INVS: variants seen among roughly 807,000 people sequenced by gnomAD.
INVS encodes inversion of embryo turning homolog.
In INVS, 86 loss-of-function variants were observed where a neutral mutation model predicts 108.8. The ratio of observed to expected loss-of-function variants is 0.79; its 90% confidence interval spans 0.66 to 0.95. The LOEUF is 0.95. INVS is among the 40% of genes least tolerant of loss of function. The pLI, the probability that INVS is intolerant of heterozygous loss-of-function variation, is 0.00. For synonymous variants in INVS, 455 were observed against 473.5 expected, an observed-to-expected ratio of 0.96 and a Z score of 0.51; for missense variants, 1,169 against 1,297.4, an observed-to-expected ratio of 0.90 and a Z score of 1.52.
intron 3 of INVS, among the ~76,000 whole-genome samples, chr9:100,209,091 G>T (rs1233134781): frequency 6.6e-6 from 1 of 152,070 alleles, no homozygotes; most frequent in Non-Finnish European, 1.5e-5. Context: ...GCCTCCCCAT[G>T]GAGTAGCATT....
intron 15 of INVS, among the ~76,000 whole-genome samples, chr9:100,297,712 TAAGC>T (rs1833830061): frequency 6.6e-6 from 1 of 152,224 alleles, no homozygotes; most frequent in Non-Finnish European, 1.5e-5. Context: ...GAAAAAAAGA[TAAGC>T]AAGAGCACCT....
At chr9:100,115,310 ATAT>A (rs1827477889) in intron 2 of INVS, among the ~76,000 whole-genome samples, 1 of 151,072 alleles carries the variant, frequency 6.6e-6, no homozygotes, top group Middle Eastern at 3.5e-3. Context: ...TTATATATAT[ATAT>A]TTTTATTATA....
intron 3 of INVS, among the ~76,000 whole-genome samples, chr9:100,189,753 A>G (rs186615382): frequency 6.6e-6 from 1 of 150,414 alleles, no homozygotes; most frequent in Admixed American, 6.6e-5. Flanking sequence ...TTATTTATTT[A>G]TTTGTTTGTT....
chr9:100,264,515 G>T (rs1264523590), intron 10 of INVS, among the ~76,000 whole-genome samples: 1 of 151,934 alleles, frequency 6.6e-6, no homozygotes, highest in Non-Finnish European at 1.5e-5. Context: ...CTACTTGGGA[G>T]GCTGAGGCAG....
At position 100,240,222 on chromosome 9, in the gene INVS, C is replaced by T; in HGVS notation, c.778C>T (p.His260Tyr). The change falls in exon 6 of 17, where the codon CAC becomes TAC. Residue 260 changes from histidine to tyrosine, a missense_variant. Transcript: ENST00000262457. Reference protein sequence around the residue: ...SYDNLFRTPLHWAALLGHAQI... With the variant: ...SYDNLFRTPLYWAALLGHAQI... ...TGATAACTTATTTCGAACCCCACTG[C>T]ACTGGGCAGCTTTATTAGGTACGTG... The T allele has an allele frequency of 6.2e-7, 1 of 1,613,816 alleles. No homozygotes were observed. The highest frequency in any genetic ancestry group is 1.1e-5 in the South Asian group (1 of 91,074).
At chr9:100,174,478 CTGTT>C (rs2119049502) in intron 3 of INVS, among the ~76,000 whole-genome samples, 1 of 151,318 alleles carries the variant, frequency 6.6e-6, no homozygotes, top group South Asian at 2.1e-4. Context: ...AAAGACCAAA[CTGTT>C]TGTAATTACA....
Position 100,124,177 on chromosome 9 carries a change from AGTGTGTGT to A in INVS, c.107-2175_107-2168del, listed in dbSNP as rs3052021. 6.0e-3 allele frequency among the ~76,000 whole-genome samples: 861 copies of A among 144,222 alleles called. 9 individuals are homozygous for A. Among genetic ancestry groups the A allele is most frequent in the South Asian group, 0.043 (190 of 4,406 alleles). The allele number at this position is 144,222 out of a possible 152,430, so 94.6% of individuals were successfully genotyped here. ...ATTGGAGGTTTTTTATTTGTTTCTG[AGTGTGTGT>A]GTGTGTGTGTGTGTGTGTGTGTGTG... On this transcript the variant is annotated intron_variant, in intron 2 of 16. Transcript: ENST00000262457.
At chr9:100,113,988 C>A (rs1588008324) in intron 2 of INVS, among the ~76,000 whole-genome samples, 1 of 152,252 alleles carries the variant, frequency 6.6e-6, no homozygotes, top group East Asian at 1.9e-4. Flanking sequence ...TTACCCTCAG[C>A]TAGTAAGAGA....
At chr9:100,102,426 T>G (rs182939588) in intron 1 of INVS, 5 of 152,360 alleles carry the variant, frequency 3.3e-5, no homozygotes, top group Admixed American at 3.3e-4. Context: ...TGATACGATG[T>G]TCCAAGTAAG....
In INVS at chr9:100,240,152, G is replaced by T. The variant is rs771405542; in HGVS notation, c.708G>T (p.Val236=). The T allele has an allele frequency of 3.7e-6, 6 of 1,613,922 alleles. No homozygotes were observed. Among genetic ancestry groups the T allele is most frequent in the Admixed American group, 3.3e-5 (2 of 60,006 alleles). Residue 236 remains valine, a synonymous_variant, in exon 6 of 17, where the codon GTG becomes GTT. Coordinates refer to ENST00000262457, the MANE Select transcript of INVS (RefSeq NM_014425.5). ...HFAVADGNVT[V]VDVLTSYESC... is the part of the protein sequence containing the mutation. ...CAGTTGCTGATGGGAATGTGACCGT[G>T]GTTGATGTCTTGACCTCATATGAAA... is the stretch of plus-strand genomic sequence containing the variant.
At chr9:100,198,184 A>G (rs1409835049) in intron 3 of INVS, among the ~76,000 whole-genome samples, 1 of 142,302 alleles carries the variant, frequency 7.0e-6, no homozygotes, top group Non-Finnish European at 1.5e-5. Flanking sequence ...AAACCTATTT[A>G]GTGTCCTTCA....
At chr9:100,240,874 T>A (rs1259520249) in intron 6 of INVS, among the ~76,000 whole-genome samples, 12 of 152,166 alleles carry the variant, frequency 7.9e-5, no homozygotes, top group Admixed American at 7.9e-4. Flanking sequence ...TGCTTTCTGC[T>A]CTTTGGTATA....
intron 10 of INVS, 71 bp downstream of exon 10, chr9:100,253,207 A>G (rs1832297200): frequency 8.4e-7 from 1 of 1,195,068 alleles, no homozygotes. Context: ...TTGTAAACAT[A>G]AGTAAAACAA....
At chr9:100,243,884 G>A (rs1451805539) in intron 7 of INVS, among the ~76,000 whole-genome samples, 6 of 152,000 alleles carry the variant, frequency 3.9e-5, no homozygotes, top group Non-Finnish European at 7.4e-5. Context: ...AGTGGCTGGC[G>A]CCTGTAGTCT....
intron 3 of INVS, 82 bp from the exon 4 acceptor site, chr9:100,225,980 C>A: frequency 2.1e-6 from 2 of 946,678 alleles, no homozygotes; most frequent in Non-Finnish European, 3.3e-6. Flanking sequence ...GAATAATTAA[C>A]ATACTTAAAA....
intron 14 of INVS, 147 bp downstream of exon 14, chr9:100,293,190 C>A: frequency 1.4e-6 from 1 of 720,670 alleles, no homozygotes; most frequent in African/African-American, 1.8e-5. Flanking sequence ...GAAATTCACA[C>A]CAGATCCTAG....
Position 100,242,582 on chromosome 9 carries a change from T to C in INVS, c.809T>C (p.Ile270Thr), listed in dbSNP as rs1564172870. 6.3e-7 allele frequency: 1 copy of C among 1,593,052 alleles called. No individual in the cohort carries two copies. Among genetic ancestry groups the C allele is most frequent in the Non-Finnish European group, 8.6e-7 (1 of 1,160,982 alleles). ...HWAALLGHAQ[I>T]VHLLLERNKS... ...TGTCTTTTCTCAGGCCATGCACAGA[T>C]TGTCCATCTCCTTTTAGAAAGAAAT... The change falls in exon 7 of 17, where the codon ATT becomes ACT. Residue 270 changes from isoleucine (I) to threonine (T), a missense_variant. Ile to Thr is a moderately conservative substitution (Grantham distance 89). Around this residue, in one of 3 missense-constraint regions of INVS, gnomAD observed 365 missense variants for 397.5 expected, o/e 0.92. Transcript: ENST00000262457.
chr9:100,117,499 GC>G, intron 2 of INVS: 1 of 804,100 alleles, frequency 1.2e-6, no homozygotes, highest in South Asian at 1.4e-5. Flanking sequence ...CACGGCCTCA[GC>G]CCGGGCCCCG....
At chr9:100,285,126 ATTCT>A (rs1305238445) in intron 13 of INVS, among the ~76,000 whole-genome samples, 3 of 152,168 alleles carry the variant, frequency 2.0e-5, no homozygotes, top group African/African-American at 7.2e-5. Context: ...CTAGCAACAA[ATTCT>A]TTCAGTTTTC....
Sources: allele counts gnomAD v4.1 joint callset (sites outside exome capture counted in the v4.1 genomes callset), GRCh38; gene constraint gnomAD v4.1.1; regional missense constraint gnomAD v4.1.1; transcripts MANE v1.5; gene names NCBI Gene and HGNC (gene_info 2026-07-23, HGNC 2026-07-21).